The following ENTHD1 variants were observed in gnomAD, a reference collection of about 807,000 sequenced individuals.
ENTHD1 encodes the protein ENTH domain containing 1.
In ENTHD1, 23 loss-of-function variants were observed where a neutral mutation model predicts 39.1. The observed-to-expected ratio is 0.59, with a 90% CI of 0.42 to 0.83. The LOEUF (loss-of-function observed/expected upper bound fraction) is 0.83, where lower values mean the gene tolerates loss of function less well. ENTHD1 is among the 40% of genes least tolerant of loss of function. The probability of loss-of-function intolerance (pLI) is 0.00; values close to 1 mark genes in which losing one functional copy is unlikely to be tolerated. For missense variants in ENTHD1, 624 were observed against 705.4 expected (o/e 0.88, Z 1.31); for synonymous variants, 230 against 258.2 (o/e 0.89, Z 1.05).
intron 2 of ENTHD1, among the ~76,000 whole-genome samples, chr22:39,872,484 T>A (rs756854985): frequency 1.3e-4 from 20 of 152,098 alleles, no homozygotes; most frequent in Non-Finnish European, 4.4e-5. Context: ...GAATCTAAAC[T>A]CAAAAAACAA....
intron 3 of ENTHD1, among the ~76,000 whole-genome samples, chr22:39,860,870 T>C (rs554921599): frequency 6.6e-5 from 10 of 152,340 alleles, no homozygotes; most frequent in African/African-American, 2.2e-4. Flanking sequence ...GAAAAGATGA[T>C]AGCATTTTTC....
At chr22:39,888,260 C>CTTTTTT (rs61092462) in intron 1 of ENTHD1, among the ~76,000 whole-genome samples, 7 of 110,652 alleles carry the variant, frequency 6.3e-5, no homozygotes, top group Non-Finnish European at 1.0e-4. Flanking sequence ...TTCTTTCTTT[C>CTTTTTT]TTTTTTTTTT....
intron 5 of ENTHD1, among the ~76,000 whole-genome samples, chr22:39,819,054 T>G (rs2146645526): frequency 6.6e-6 from 1 of 152,242 alleles, no homozygotes; most frequent in South Asian, 2.1e-4. Flanking sequence ...TGTGGTACAT[T>G]CTATTCAGCA....
intron 5 of ENTHD1, among the ~76,000 whole-genome samples, chr22:39,815,772 A>C (rs1370654813): frequency 6.6e-6 from 1 of 152,226 alleles, no homozygotes; most frequent in East Asian, 1.9e-4. Flanking sequence ...AATGCATTAT[A>C]ATATATACAT....
At chr22:39,777,113 C>A (rs2065371195) in intron 5 of ENTHD1, among the ~76,000 whole-genome samples, 1 of 152,096 alleles carries the variant, frequency 6.6e-6, no homozygotes, top group Non-Finnish European at 1.5e-5. Flanking sequence ...GAAGGAGCTT[C>A]TACTTTAGTA....
intron 5 of ENTHD1, among the ~76,000 whole-genome samples, chr22:39,801,823 T>C: frequency 6.6e-6 from 1 of 152,150 alleles, no homozygotes; most frequent in East Asian, 1.9e-4. Context: ...TTTTTAATAG[T>C]AATGAAAGGT....
chr22:39,878,480 T>G (rs2066309006), intron 2 of ENTHD1, among the ~76,000 whole-genome samples: 2 of 144,234 alleles, frequency 1.4e-5, no homozygotes, highest in Admixed American at 6.9e-5. Context: ...GCAGGATAAA[T>G]GGAAATTTTT....
At chr22:39,781,880 A>C (rs2065412973) in intron 5 of ENTHD1, among the ~76,000 whole-genome samples, 1 of 152,240 alleles carries the variant, frequency 6.6e-6, no homozygotes, top group African/African-American at 2.4e-5. Flanking sequence ...TATTATGAAC[A>C]ACAATATGCC....
At chr22:39,796,529 C>T (rs1417568063) in intron 5 of ENTHD1, among the ~76,000 whole-genome samples, 7 of 152,142 alleles carry the variant, frequency 4.6e-5, no homozygotes, top group African/African-American at 1.4e-4. Context: ...TTTGGCTTCC[C>T]AAAGTGCTGA....
At chr22:39,886,800 C>T (rs1197230023) in intron 2 of ENTHD1, among the ~76,000 whole-genome samples, 1 of 152,054 alleles carries the variant, frequency 6.6e-6, no homozygotes, top group East Asian at 1.9e-4. Context: ...ATTTTATGAT[C>T]TAAATTTTTG....
chr22:39,862,067 T>A (rs2066146457), intron 2 of ENTHD1, 60 bp from the exon 3 acceptor site: 6 of 1,293,330 alleles, frequency 4.6e-6, no homozygotes, highest in Non-Finnish European at 5.0e-6. Flanking sequence ...ATAATTAATT[T>A]TTTTTCTACA....
chr22:39,885,138 C>CT (rs2066369547), intron 2 of ENTHD1, among the ~76,000 whole-genome samples: 1 of 152,144 alleles, frequency 6.6e-6, no homozygotes, highest in Non-Finnish European at 1.5e-5. Context: ...ATATAAAGAA[C>CT]TTTTAATACT....
At chr22:39,823,491 C>T (rs776075825) in intron 4 of ENTHD1, among the ~76,000 whole-genome samples, 10 of 152,130 alleles carry the variant, frequency 6.6e-5, no homozygotes, top group South Asian at 4.2e-4. Flanking sequence ...ACTACAGGTA[C>T]GCATCACCAT....
chr22:39,870,306 G>A (rs2066231836), intron 2 of ENTHD1, among the ~76,000 whole-genome samples: 1 of 152,036 alleles, frequency 6.6e-6, no homozygotes, highest in Admixed American at 6.6e-5. Context: ...ACCGTGTCCA[G>A]CCAACAGGAG....
intron 6 of ENTHD1, among the ~76,000 whole-genome samples, chr22:39,760,749 G>T (rs2065226905): frequency 1.3e-5 from 2 of 151,874 alleles, no homozygotes; most frequent in Admixed American, 1.3e-4. Flanking sequence ...TAATTCCTCA[G>T]TAGGACTTTG....
intron 3 of ENTHD1, among the ~76,000 whole-genome samples, chr22:39,839,837 G>A (rs1267276853): frequency 1.3e-5 from 2 of 152,200 alleles, no homozygotes; most frequent in African/African-American, 4.8e-5. Flanking sequence ...AATTTTGAGA[G>A]AAACTGAAGA....
At chr22:39,755,987 A>G (rs1206330639) in intron 6 of ENTHD1, among the ~76,000 whole-genome samples, 2 of 152,112 alleles carry the variant, frequency 1.3e-5, no homozygotes, top group East Asian at 1.9e-4. Flanking sequence ...CTGTGCTATC[A>G]GCAACTATGC....
chr22:39,770,900 T>C (rs1455357409), intron 5 of ENTHD1, among the ~76,000 whole-genome samples: 5 of 152,180 alleles, frequency 3.3e-5, no homozygotes, highest in Non-Finnish European at 5.9e-5. Context: ...GATTTTGGAC[T>C]TTTTCAGACT....
In ENTHD1 at chr22:39,744,097, T is replaced by A; in HGVS notation, c.1406A>T (p.His469Leu). ...TGGGCCCCTAGAAGCAAAGGAGTGA[T>A]GCAGCTTGGCTGTCTTATCTTCATC... Reference protein sequence around the residue: ...FKDEDKTAKLHHSFASRGPVS... With the variant: ...FKDEDKTAKLLHSFASRGPVS... Residue 469 changes from histidine (H) to leucine (L), a missense_variant, in exon 7 of 7, where the codon CAT becomes CTT. Transcript: ENST00000325157. The A allele has an allele frequency of 6.2e-7, 1 of 1,614,174 alleles. No homozygotes were observed. Among genetic ancestry groups the A allele is most frequent in the Non-Finnish European group, 8.5e-7 (1 of 1,180,006 alleles).
Sources: allele counts gnomAD v4.1 joint callset (sites outside exome capture counted in the v4.1 genomes callset), GRCh38; gene constraint gnomAD v4.1.1; transcripts MANE v1.5; gene names NCBI Gene and HGNC (gene_info 2026-07-23, HGNC 2026-07-21).